Variants in FAM81A observed in about 807,000 individuals in gnomAD.
FAM81A encodes protein FAM81A.
FAM81A carries 19 observed loss-of-function variants against 46.7 expected under a neutral mutation model. The ratio of observed to expected loss-of-function variants is 0.41; its 90% CI spans 0.28 to 0.60. The LOEUF is 0.60. Among genes scored for constraint, FAM81A ranks in the 20% least tolerant of loss-of-function variants. The pLI, the probability that FAM81A is intolerant of heterozygous loss-of-function variation, is 0.34. For missense variants in FAM81A, 377 were observed against 453.5 expected (o/e 0.83, Z 1.53); for synonymous variants, 183 against 152.9 (o/e 1.20, Z -1.45).
Position 59,460,232 on chromosome 15 carries a change from C to G in FAM81A, c.294+26C>G. ...GTAAGGTTTGTGAAAGTCAGGTGGC[C>G]TATGTCCCTTTCCACAGAATTGCTC... On this transcript the variant is annotated intron_variant, in intron 3 of 8. Coordinates refer to ENST00000288228, the MANE Select transcript of FAM81A (RefSeq NM_152450.3). The surrounding 1 kb of genome is among the most constrained non-coding windows in gnomAD (Gnocchi z 4.4). 11 of 1,613,912 alleles carry G rather than the reference C, an allele frequency of 6.8e-6. No individual in the cohort carries two copies. Among genetic ancestry groups the G allele is most frequent in the Non-Finnish European group, 9.3e-6 (11 of 1,179,892 alleles).
chr15:59,430,746 A>G (rs2081216480), intron 2 of FAM81A, among the ~76,000 whole-genome samples: 1 of 152,238 alleles, frequency 6.6e-6, no homozygotes, highest in African/African-American at 2.4e-5. Context: ...AGCTGCATGT[A>G]CATTTGACTA....
chr15:59,471,746 T>C (rs2081694253), intron 3 of FAM81A, among the ~76,000 whole-genome samples: 2 of 152,178 alleles, frequency 1.3e-5, no homozygotes, highest in South Asian at 4.1e-4. Flanking sequence ...TCTCCTTTTT[T>C]TGATAATTCT....
intron 4 of FAM81A, among the ~76,000 whole-genome samples, chr15:59,498,368 G>C (rs2082056066): frequency 6.6e-6 from 1 of 151,938 alleles, no homozygotes; most frequent in Non-Finnish European, 1.5e-5. Flanking sequence ...TTTGTATATT[G>C]GTCTTGTGTC....
At chr15:59,438,632 T>C (rs2081263083) in intron 1 of FAM81A, 1 of 152,170 alleles carries the variant, frequency 6.6e-6, no homozygotes, top group East Asian at 1.9e-4. Context: ...TGACCTTGGG[T>C]AGGTTAACCA....
intron 2 of FAM81A, among the ~76,000 whole-genome samples, chr15:59,411,189 T>C (rs1286227616): frequency 6.6e-6 from 1 of 152,104 alleles, no homozygotes; most frequent in Admixed American, 6.6e-5. Flanking sequence ...AACGCACAGA[T>C]CAAGGAGGGT....
At chr15:59,467,786 C>G (rs570863584) in intron 3 of FAM81A, among the ~76,000 whole-genome samples, 1 of 152,102 alleles carries the variant, frequency 6.6e-6, no homozygotes, top group African/African-American at 2.4e-5. Flanking sequence ...TGTTTTGTGC[C>G]GGTTTTCAAA....
chr15:59,410,242 G>T (rs754360928), intron 2 of FAM81A, among the ~76,000 whole-genome samples: 2 of 152,214 alleles, frequency 1.3e-5, no homozygotes, highest in South Asian at 2.1e-4. Flanking sequence ...GTTGCAGTGA[G>T]TTGAGATTGC....
At chr15:59,420,687 A>T in intron 2 of FAM81A, among the ~76,000 whole-genome samples, 1 of 78,142 alleles carries the variant, frequency 1.3e-5, no homozygotes, top group Non-Finnish European at 2.7e-5. Flanking sequence ...TGACGAAGCC[A>T]AGGAAGGCTC....
At chr15:59,486,056 G>A (rs1477331288) in intron 3 of FAM81A, among the ~76,000 whole-genome samples, 5 of 152,118 alleles carry the variant, frequency 3.3e-5, no homozygotes, top group African/African-American at 1.2e-4. Flanking sequence ...GTGGGTGCCT[G>A]TAATCCCAGC....
At chr15:59,493,141 C>T (rs2141760107) in intron 4 of FAM81A, among the ~76,000 whole-genome samples, 1 of 152,280 alleles carries the variant, frequency 6.6e-6, no homozygotes, top group South Asian at 2.1e-4. Context: ...TCCCGTCAGC[C>T]TGAGGTGGCA....
intron 6 of FAM81A, among the ~76,000 whole-genome samples, chr15:59,510,368 C>CA (rs34095489): frequency 0.13 from 14,031 of 106,348 alleles, 1,184 homozygotes; most frequent in African/African-American, 0.28. Context: ...GACTCTGTCT[C>CA]AAAAAAAAAA....
intron 3 of FAM81A, among the ~76,000 whole-genome samples, chr15:59,491,334 A>G (rs191780571): frequency 1.3e-5 from 2 of 152,310 alleles, no homozygotes; most frequent in Non-Finnish European, 2.9e-5. Context: ...TAAGCTTCGC[A>G]TGTTCTCACT....
intron 2 of FAM81A, among the ~76,000 whole-genome samples, chr15:59,402,593 G>T (rs948709374): frequency 1.8e-4 from 28 of 151,856 alleles, no homozygotes; most frequent in East Asian, 7.7e-4. Flanking sequence ...CAGGTTGGAG[G>T]GCAGTGGCTT....
intron 1 of FAM81A, among the ~76,000 whole-genome samples, chr15:59,449,639 G>A (rs924788379): frequency 9.2e-5 from 14 of 151,992 alleles, no homozygotes; most frequent in African/African-American, 2.7e-4. Context: ...AAAATTAGCC[G>A]GGCGTGGTGG....
At chr15:59,506,586 C>G (rs550070583) in intron 4 of FAM81A, among the ~76,000 whole-genome samples, 1 of 152,318 alleles carries the variant, frequency 6.6e-6, no homozygotes, top group Non-Finnish European at 1.5e-5. Context: ...CATTAGTTAG[C>G]TCTAAACTCT....
intron 2 of FAM81A, among the ~76,000 whole-genome samples, chr15:59,423,141 A>G (rs1261429536): frequency 6.6e-6 from 1 of 152,124 alleles, no homozygotes; most frequent in African/African-American, 2.4e-5. Context: ...ACTGTCGCCC[A>G]GGCTGGAGTG....
At chr15:59,509,511 T>G (rs2082182916) in intron 6 of FAM81A, among the ~76,000 whole-genome samples, 1 of 152,224 alleles carries the variant, frequency 6.6e-6, no homozygotes, top group Admixed American at 6.5e-5. Context: ...ATAAGCCTGA[T>G]GTGATCACTA....
chr15:59,472,787 TAGTC>T (rs1461987925), intron 3 of FAM81A, among the ~76,000 whole-genome samples: 6 of 152,134 alleles, frequency 3.9e-5, no homozygotes, highest in African/African-American at 9.7e-5. Context: ...CCCCTTAAGT[TAGTC>T]AGGTCCAATT....
chr15:59,504,207 T>G (rs1316574192), intron 4 of FAM81A, among the ~76,000 whole-genome samples: 1 of 152,202 alleles, frequency 6.6e-6, no homozygotes, highest in Non-Finnish European at 1.5e-5. Flanking sequence ...GCTAAAAAAT[T>G]ATGAACTCAA....
Sources: allele counts gnomAD v4.1 joint callset (sites outside exome capture counted in the v4.1 genomes callset), GRCh38; gene constraint gnomAD v4.1.1; non-coding constraint Gnocchi (gnomAD v3.1); transcripts MANE v1.5; gene names NCBI Gene and HGNC (gene_info 2026-07-23, HGNC 2026-07-21).